PRSS55: variants seen among roughly 807,000 people sequenced by gnomAD.
The protein encoded by PRSS55 is serine protease 55.
In PRSS55, 41 loss-of-function variants were observed where a neutral mutation model predicts 23.6. The ratio of observed to expected loss-of-function variants is 1.74; its 90% confidence interval spans 1.35 to 2.26. PRSS55 has a LOEUF of 2.26. Among genes scored for constraint, PRSS55 ranks in the 30% most tolerant of loss-of-function variants. PRSS55 has a pLI of 0.00. For missense variants in PRSS55, 669 were observed against 439.1 expected (o/e 1.52, Z -4.68); for synonymous variants, 262 against 175.5 (o/e 1.49, Z -3.90).
chr8:10,551,757 T>C (rs185885495), intron 4 of PRSS55, among the ~76,000 whole-genome samples: 1 of 152,338 alleles, frequency 6.6e-6, no homozygotes, highest in East Asian at 1.9e-4. Flanking sequence ...CCCATCCTTT[T>C]AGTGGGGGCA....
intron 4 of PRSS55, among the ~76,000 whole-genome samples, chr8:10,549,849 C>T (rs139289035): frequency 9.4e-4 from 143 of 152,340 alleles, no homozygotes; most frequent in African/African-American, 3.3e-3. Flanking sequence ...GCCCTGTTCC[C>T]GGCCTGGCTC....
intron 1 of PRSS55, 108 bp downstream of exon 1, chr8:10,525,847 A>G: frequency 8.5e-7 from 1 of 1,178,590 alleles, no homozygotes; most frequent in East Asian, 2.6e-5. Context: ...GGCTCCCCAC[A>G]TACCCCTTCT....
chr8:10,548,343 C>A (rs762791764), intron 4 of PRSS55, among the ~76,000 whole-genome samples: 15 of 152,260 alleles, frequency 9.9e-5, no homozygotes, highest in South Asian at 2.1e-4. Flanking sequence ...GTGACAGACA[C>A]AGCCCTGGAG....
intron 1 of PRSS55, among the ~76,000 whole-genome samples, chr8:10,526,714 A>T (rs1296712426): frequency 6.6e-6 from 1 of 152,236 alleles, no homozygotes; most frequent in Non-Finnish European, 1.5e-5. Flanking sequence ...TGCAAAATGG[A>T]TATGAGAACT....
intron 4 of PRSS55, among the ~76,000 whole-genome samples, chr8:10,547,891 A>AG (rs1812857332): frequency 6.6e-6 from 1 of 152,046 alleles, no homozygotes; most frequent in South Asian, 2.1e-4. Context: ...CCGACACTCT[A>AG]GGGGAACAGA....
chr8:10,532,292 C>T (rs1812296400), intron 3 of PRSS55, among the ~76,000 whole-genome samples: 1 of 152,114 alleles, frequency 6.6e-6, no homozygotes, highest in South Asian at 2.1e-4. Context: ...AGAGGAGGCA[C>T]ATGGGCATGC....
intron 4 of PRSS55, among the ~76,000 whole-genome samples, chr8:10,538,174 T>C (rs577914618): frequency 1.3e-5 from 2 of 152,232 alleles, no homozygotes; most frequent in African/African-American, 4.8e-5. Context: ...AAGTCTCCAC[T>C]CATCCCTTGG....
chr8:10,539,311 C>T (rs892338777), downstream of PRSS55, among the ~76,000 whole-genome samples: 9 of 152,190 alleles, frequency 5.9e-5, no homozygotes, highest in Non-Finnish European at 1.5e-5. Flanking sequence ...CAAAAGTTAT[C>T]AATTTAAATG....
chr8:10,533,022 A>T lies in PRSS55; in HGVS notation c.715A>T (p.Lys239Ter), dbSNP rs762257685. 51 of 1,614,132 alleles carry T rather than the reference A, an allele frequency of 3.2e-5. No individual in the cohort carries two copies. Among genetic ancestry groups the T allele is most frequent in the Non-Finnish European group, 4.2e-5 (50 of 1,180,044 alleles). ...LTKNMLCAGY[K>*]NESYDACKGD... ...CAAAAATATGCTGTGTGCCGGATAC[A>T]AGAATGAGAGCTATGATGCCTGCAA... Residue 239 changes from lysine (K) to a stop codon, truncating the protein, a stop_gained, in exon 4 of 5, where the codon AAG (lysine) becomes TAG (stop). Coordinates refer to ENST00000328655, the MANE Select transcript of PRSS55 (RefSeq NM_198464.4). LOFTEE classifies it low-confidence loss of function (END_TRUNC).
chr8:10,542,569 G>A (rs1357135314), downstream of PRSS55, among the ~76,000 whole-genome samples: 1 of 151,930 alleles, frequency 6.6e-6, no homozygotes, highest in African/African-American at 2.4e-5. Context: ...TAGCCCAAAC[G>A]TCTCCTTAAA....
chr8:10,546,195 G>T (rs931764584), intron 4 of PRSS55, among the ~76,000 whole-genome samples: 1 of 152,254 alleles, frequency 6.6e-6, no homozygotes, highest in East Asian at 1.9e-4. Flanking sequence ...CTATGTCCCA[G>T]GTCCCTTGCC....
intron 1 of PRSS55, among the ~76,000 whole-genome samples, chr8:10,525,954 G>C (rs1335695905): frequency 6.6e-6 from 1 of 152,204 alleles, no homozygotes; most frequent in Admixed American, 6.5e-5. Context: ...TTTATCCTCA[G>C]AGGAATAGCA....
At chr8:10,543,074 G>A (rs1209519696), downstream of PRSS55, among the ~76,000 whole-genome samples, 1 of 151,990 alleles carries the variant, frequency 6.6e-6, no homozygotes, top group Non-Finnish European at 1.5e-5. Flanking sequence ...CCCTACCTCT[G>A]ACTCCAGAGG....
intron 1 of PRSS55, 32 bp downstream of exon 1, chr8:10,525,771 G>A (rs901782161): frequency 1.9e-6 from 3 of 1,556,808 alleles, no homozygotes; most frequent in African/African-American, 2.7e-5. Flanking sequence ...GCATGGATGG[G>A]GGCTCATGGT....
intron 4 of PRSS55, among the ~76,000 whole-genome samples, chr8:10,545,838 G>A (rs1395574441): frequency 6.6e-6 from 1 of 152,220 alleles, no homozygotes. Context: ...CAAAGTGCAT[G>A]TTTAATTCTG....
chr8:10,543,487 T>TC (rs1563547471), downstream of PRSS55, among the ~76,000 whole-genome samples: 4 of 135,436 alleles, frequency 3.0e-5, no homozygotes, highest in African/African-American at 5.3e-5. Flanking sequence ...TCTCTTTTTT[T>TC]TTTTTTTCCA....
At chr8:10,544,127 C>G (rs1223373981) in intron 4 of PRSS55, among the ~76,000 whole-genome samples, 1 of 144,142 alleles carries the variant, frequency 6.9e-6, no homozygotes, top group Non-Finnish European at 1.6e-5. Flanking sequence ...AGATTTAAGT[C>G]TCCAACTTCT....
chr8:10,550,631 C>T (rs1329329304), intron 4 of PRSS55, among the ~76,000 whole-genome samples: 2 of 152,154 alleles, frequency 1.3e-5, no homozygotes, highest in Admixed American at 6.5e-5. Flanking sequence ...CCTGAAGTTT[C>T]CCAACCAGCC....
At chr8:10,536,467 G>C (rs534020382) in intron 4 of PRSS55, among the ~76,000 whole-genome samples, 4 of 152,180 alleles carry the variant, frequency 2.6e-5, no homozygotes, top group Non-Finnish European at 4.4e-5. Context: ...AGATTTCTCA[G>C]AGAACTTAAA....
Sources: gnomAD v4.1 joint callset for allele counts (sites outside exome capture counted in the v4.1 genomes callset) on GRCh38, gnomAD v4.1.1 for gene constraint, MANE v1.5 for transcripts, NCBI Gene and HGNC (gene_info 2026-07-23, HGNC 2026-07-21) for gene names.